The following AFF2 variants were observed in gnomAD, a reference collection of about 807,000 sequenced individuals.
AFF2 encodes the protein ALF transcription elongation factor 2.
AFF2 carries 14 observed loss-of-function variants against 76.9 expected under a neutral mutation model. That is an observed-to-expected ratio of 0.18 (90% CI 0.12 to 0.28). The LOEUF is 0.28. Among genes scored for constraint, AFF2 ranks in the 10% least tolerant of loss-of-function variants. The probability of loss-of-function intolerance (pLI) is 1.00; values close to 1 mark genes in which losing one functional copy is unlikely to be tolerated. For missense variants in AFF2, 868 were observed against 1,001.1 expected (o/e 0.87, Z 1.79); for synonymous variants, 398 against 366.7 (o/e 1.09, Z -0.98).
intron 3 of AFF2, among the ~76,000 whole-genome samples, chrX:148,725,746 AT>A (rs1240397438): frequency 2.8e-4 from 31 of 112,200 alleles, no homozygotes. Flanking sequence ...AAGACAATTG[AT>A]TATAAAAACT....
At chrX:148,698,797 G>GTT (rs142604433) in intron 3 of AFF2, among the ~76,000 whole-genome samples, 12 of 71,713 alleles carry the variant, frequency 1.7e-4, no homozygotes, top group African/African-American at 4.0e-4. Flanking sequence ...GAGTTCTAGT[G>GTT]TTTTTTTTTT....
At position 148,964,384 on chromosome X, in the gene AFF2, G is replaced by A. The variant is rs141107583; in HGVS notation, c.2913+1447G>A. Among the ~76,000 whole-genome samples the A allele has an allele frequency of 2.1e-3, 235 of 112,295 alleles. 2 individuals are homozygous for A. The highest frequency in any genetic ancestry group is 7.0e-3 in the African/African-American group (215 of 30,877). ...TCCTGGTGGAGGAGGCGTTTCCTGA[G>A]TTGATCCTTAATAGATGAGTAGGGT... On this transcript the variant is annotated intron_variant, in intron 13 of 20. Coordinates refer to ENST00000370460, the MANE Select transcript of AFF2 (RefSeq NM_002025.4).
At chrX:148,912,205 G>A (rs782334860) in intron 9 of AFF2, among the ~76,000 whole-genome samples, 12 of 112,221 alleles carry the variant, frequency 1.1e-4, no homozygotes, top group African/African-American at 3.9e-4. Context: ...TGCAGAACAT[G>A]CAGGTTTGTT....
At chrX:148,914,869 C>T (rs1318376860) in intron 9 of AFF2, among the ~76,000 whole-genome samples, 6 of 112,462 alleles carry the variant, frequency 5.3e-5, no homozygotes, top group Non-Finnish European at 1.1e-4. Flanking sequence ...TTTGTCAGCC[C>T]AAAACATAAG....
intron 3 of AFF2, among the ~76,000 whole-genome samples, chrX:148,750,440 A>G (rs1190758079): frequency 9.0e-6 from 1 of 110,952 alleles, no homozygotes; most frequent in Non-Finnish European, 1.9e-5. Flanking sequence ...TCTGTCTGTG[A>G]TTTGCTGTTT....
intron 3 of AFF2, among the ~76,000 whole-genome samples, chrX:148,772,506 TG>T (rs1262636730): frequency 1.1e-4 from 11 of 103,166 alleles, no homozygotes; most frequent in Non-Finnish European, 2.2e-4. Flanking sequence ...TTTTCAAAGT[TG>T]TTTTTTTTTC....
chrX:148,897,763 C>T (rs995779812), intron 8 of AFF2, among the ~76,000 whole-genome samples: 5 of 110,485 alleles, frequency 4.5e-5, no homozygotes, highest in African/African-American at 1.6e-4. Flanking sequence ...CCCTTAGCAT[C>T]AGGGGCAAGA....
rs1390100633 is a variant in AFF2, at chrX:148,612,625, G to T, written c.48-39374G>T. On this transcript the variant is annotated intron_variant, in intron 1 of 20. Coordinates refer to ENST00000370460, the MANE Select transcript of AFF2 (RefSeq NM_002025.4). The stretch of plus-strand genomic sequence containing the variant: ...AATCCTAGGTTTGTGGCTTATGTAA[G>T]ACCTGGTTGGTAAGCTGGTTATTGT... Among the ~76,000 whole-genome samples the T allele has an allele frequency of 6.2e-5, 7 of 112,194 alleles. No homozygotes were observed. The East Asian group carries it at 1.4e-3, about 23-fold the overall frequency.
chrX:148,935,362 CTAACAATAAGCT>C (rs2071761841), intron 9 of AFF2, among the ~76,000 whole-genome samples: 1 of 104,855 alleles, frequency 9.5e-6, no homozygotes, highest in Non-Finnish European at 1.9e-5. Flanking sequence ...TGTTGATAGG[CTAACAATAAGCT>C]TAAACTTGTG....
At chrX:148,941,458 C>G (rs1481582831) in intron 9 of AFF2, among the ~76,000 whole-genome samples, 1 of 111,747 alleles carries the variant, frequency 8.9e-6, no homozygotes, top group African/African-American at 3.3e-5. Flanking sequence ...TAGAGTAACT[C>G]ACATCTTAGA....
At chrX:148,524,047 C>T (rs2052628859) in intron 1 of AFF2, among the ~76,000 whole-genome samples, 1 of 109,435 alleles carries the variant, frequency 9.1e-6, no homozygotes, top group Non-Finnish European at 1.9e-5. Flanking sequence ...TTACTGTTAG[C>T]ACTTCGGTAC....
At chrX:148,584,932 C>T (rs996204763) in intron 1 of AFF2, among the ~76,000 whole-genome samples, 8 of 111,563 alleles carry the variant, frequency 7.2e-5, no homozygotes, top group African/African-American at 2.6e-4. Flanking sequence ...CTTTACAGAA[C>T]ATCAGATCTA....
chrX:148,575,624 A>G (rs934730357), intron 1 of AFF2, among the ~76,000 whole-genome samples: 2 of 110,302 alleles, frequency 1.8e-5, no homozygotes, highest in African/African-American at 3.3e-5. Flanking sequence ...TTCCCTGAAT[A>G]TGTATGATAA....
At chrX:148,745,069 G>C (rs1350728681) in intron 3 of AFF2, among the ~76,000 whole-genome samples, 3 of 111,797 alleles carry the variant, frequency 2.7e-5, no homozygotes, top group African/African-American at 9.8e-5. Flanking sequence ...TCCCGAGTTA[G>C]GTGGATGTGT....
At chrX:148,740,628 C>T (rs1557265542) in intron 3 of AFF2, among the ~76,000 whole-genome samples, 1 of 111,977 alleles carries the variant, frequency 8.9e-6, no homozygotes, top group East Asian at 2.8e-4. Context: ...AATAACTAAC[C>T]TTCTGAATTC....
At chrX:148,620,335 C>T (rs1423607037) in intron 1 of AFF2, among the ~76,000 whole-genome samples, 1 of 110,915 alleles carries the variant, frequency 9.0e-6, no homozygotes, top group Non-Finnish European at 1.9e-5. Context: ...TTCATTTTTC[C>T]AATAACTCTT....
chrX:148,874,664 G>A (rs1464750293), intron 7 of AFF2, among the ~76,000 whole-genome samples: 3 of 112,210 alleles, frequency 2.7e-5, no homozygotes, highest in Non-Finnish European at 5.6e-5. Flanking sequence ...TAATTCATTA[G>A]TATATGGTAA....
At chrX:148,846,977 T>G (rs1465700969) in intron 7 of AFF2, among the ~76,000 whole-genome samples, 2 of 111,257 alleles carry the variant, frequency 1.8e-5, no homozygotes, top group African/African-American at 6.5e-5. Context: ...CTCGGCTCAC[T>G]GCAAGCTCCG....
At chrX:148,812,882 G>A (rs185163946) in intron 4 of AFF2, among the ~76,000 whole-genome samples, 1 of 112,116 alleles carries the variant, frequency 8.9e-6, no homozygotes, top group East Asian at 2.8e-4. Flanking sequence ...AATGTTCTCA[G>A]CTCCCCTTCA....
Sources: allele counts gnomAD v4.1 joint callset (sites outside exome capture counted in the v4.1 genomes callset), GRCh38; gene constraint gnomAD v4.1.1; transcripts MANE v1.5; gene names NCBI Gene and HGNC (gene_info 2026-07-23, HGNC 2026-07-21).